The following DLG2 variants were observed in gnomAD, a reference collection of about 807,000 sequenced individuals.
DLG2 encodes discs large MAGUK scaffold protein 2.
A neutral mutation model predicts 132.5 loss-of-function variants in DLG2; 45 were observed. That is an observed-to-expected ratio of 0.34 (90% CI 0.27 to 0.44). DLG2 has a LOEUF of 0.44. Among genes scored for constraint, DLG2 ranks in the 20% least tolerant of loss-of-function variants. The pLI, the probability that DLG2 is intolerant of heterozygous loss-of-function variation, is 1.00. For missense variants in DLG2, 1,045 were observed against 1,196.9 expected, an observed-to-expected ratio of 0.87 and a Z score of 1.87; for synonymous variants, 424 against 419.6, an observed-to-expected ratio of 1.01 and a Z score of -0.13.
At chr11:84,347,280 A>T (rs1190133419) in intron 7 of DLG2, among the ~76,000 whole-genome samples, 1 of 152,206 alleles carries the variant, frequency 6.6e-6, no homozygotes, top group Admixed American at 6.5e-5. Flanking sequence ...GAATATTAAC[A>T]TATGTAATAC....
chr11:83,977,923 T>C (rs1308321099), intron 12 of DLG2, among the ~76,000 whole-genome samples: 1 of 152,100 alleles, frequency 6.6e-6, no homozygotes, highest in Admixed American at 6.6e-5. Context: ...TCTTTCTGTT[T>C]TCAGTGATGA....
chr11:84,394,780 C>T (rs1324479063), intron 7 of DLG2, among the ~76,000 whole-genome samples: 1 of 152,086 alleles, frequency 6.6e-6, no homozygotes, highest in African/African-American at 2.4e-5. Flanking sequence ...CACCAGCACG[C>T]CCAGCTAATT....
At chr11:84,465,433 T>C (rs898931742) in intron 7 of DLG2, among the ~76,000 whole-genome samples, 13 of 151,266 alleles carry the variant, frequency 8.6e-5, no homozygotes. Flanking sequence ...ACATTCATCA[T>C]AGAGATTCTC....
chr11:85,271,943 T>A (rs1006826982), intron 4 of DLG2, among the ~76,000 whole-genome samples: 2 of 152,172 alleles, frequency 1.3e-5, no homozygotes, highest in African/African-American at 4.8e-5. Flanking sequence ...TTTGGGAGAC[T>A]TTTGGGAAGG....
At chr11:83,887,779 G>T (rs2068370272) in intron 15 of DLG2, among the ~76,000 whole-genome samples, 2 of 150,820 alleles carry the variant, frequency 1.3e-5, no homozygotes, top group South Asian at 2.1e-4. Flanking sequence ...TCCCTGGGAT[G>T]CAAGGCTGGT....
At position 84,335,160 on chromosome 11, in the gene DLG2, C is replaced by A. The variant is rs1033354400; in HGVS notation, c.520-83869G>T. On this transcript the variant is annotated intron_variant, in intron 7 of 27. Transcript: ENST00000376104. ...GCAAGAAAGCAAGCAATAAAGAAAG[C>A]AAAAAAAAAAAAAAAAAAAGGAAGG... 3.2e-3 allele frequency among the ~76,000 whole-genome samples: 202 copies of A among 62,584 alleles called. 1 individual carries two copies. Among genetic ancestry groups the A allele is most frequent in the African/African-American group, 6.5e-3 (109 of 16,756 alleles). 41.1% of individuals were successfully genotyped at this position (62,584 alleles called of 152,430 possible). A position where few individuals can be genotyped will look rare whatever the true frequency, so the allele number is the denominator to read the frequency against.
At chr11:85,168,400 T>C (rs79826132) in intron 4 of DLG2, among the ~76,000 whole-genome samples, 2,964 of 152,224 alleles carry the variant, frequency 0.019, 57 homozygotes, top group Admixed American at 0.037. Context: ...GCAGATAATT[T>C]CAATTTAATT....
intron 6 of DLG2, among the ~76,000 whole-genome samples, chr11:84,732,113 A>C (rs943945526): frequency 2.6e-5 from 4 of 152,094 alleles, no homozygotes; most frequent in African/African-American, 9.7e-5. Flanking sequence ...ATGTGCCAAT[A>C]GTTTACTTCT....
chr11:84,903,706 T>C (rs1046405271), intron 6 of DLG2, among the ~76,000 whole-genome samples: 1 of 152,274 alleles, frequency 6.6e-6, no homozygotes, highest in African/African-American at 2.4e-5. Flanking sequence ...AGTTGTGCAG[T>C]TCTTTCTCTA....
intron 8 of DLG2, among the ~76,000 whole-genome samples, chr11:84,208,140 A>G (rs781139084): frequency 6.6e-6 from 1 of 152,012 alleles, no homozygotes; most frequent in Non-Finnish European, 1.5e-5. Context: ...TAGTATTTGT[A>G]TTTTACTTTT....
intron 18 of DLG2, among the ~76,000 whole-genome samples, chr11:83,659,079 C>T (rs79443071): frequency 6.6e-6 from 1 of 152,138 alleles, no homozygotes; most frequent in African/African-American, 2.4e-5. Flanking sequence ...TATCTCAGTG[C>T]CTGTCGTAGT....
At chr11:83,870,400 A>AT (rs2154062769) in intron 16 of DLG2, among the ~76,000 whole-genome samples, 1 of 152,320 alleles carries the variant, frequency 6.6e-6, no homozygotes, top group South Asian at 2.1e-4. Context: ...ACTTAAGATA[A>AT]TGGCCTCCAG....
chr11:84,913,911 G>C (rs1321676542), intron 6 of DLG2, among the ~76,000 whole-genome samples: 1 of 152,084 alleles, frequency 6.6e-6, no homozygotes, highest in South Asian at 2.1e-4. Context: ...AAATGCAAAG[G>C]GCTCTTTTAT....
At chr11:85,603,676 GT>G (rs1157439657) in intron 2 of DLG2, among the ~76,000 whole-genome samples, 2 of 152,014 alleles carry the variant, frequency 1.3e-5, no homozygotes, top group Non-Finnish European at 2.9e-5. Flanking sequence ...AGCACTTTGG[GT>G]GGCCAAGGTG....
At chr11:83,668,448 G>C (rs1359742559) in intron 18 of DLG2, among the ~76,000 whole-genome samples, 1 of 151,982 alleles carries the variant, frequency 6.6e-6, no homozygotes, top group Non-Finnish European at 1.5e-5. Context: ...GGATAGCCTT[G>C]GTTCTTTAAA....
chr11:85,232,930 T>C (rs1423859878), intron 4 of DLG2, among the ~76,000 whole-genome samples: 1 of 151,642 alleles, frequency 6.6e-6, no homozygotes, highest in African/African-American at 2.4e-5. Context: ...ATGACAAGTC[T>C]CTAGATGGAA....
At chr11:85,054,299 G>A (rs550401639) in intron 6 of DLG2, among the ~76,000 whole-genome samples, 1 of 151,246 alleles carries the variant, frequency 6.6e-6, no homozygotes, top group South Asian at 2.1e-4. Flanking sequence ...AAAAAGAAAT[G>A]CAAATCAAAA....
intron 3 of DLG2, among the ~76,000 whole-genome samples, chr11:85,421,892 TTCTC>T (rs1303891884): frequency 6.6e-6 from 1 of 152,200 alleles, no homozygotes; most frequent in African/African-American, 2.4e-5. Flanking sequence ...TAGTGGCAAA[TTCTC>T]TCAGCATTTG....
chr11:85,115,197 C>T (rs1340748941), intron 5 of DLG2, among the ~76,000 whole-genome samples: 5 of 151,782 alleles, frequency 3.3e-5, no homozygotes, highest in Non-Finnish European at 2.9e-5. Context: ...ATGAATGGTA[C>T]GTTAGGTATA....
Sources: allele counts gnomAD v4.1 joint callset (sites outside exome capture counted in the v4.1 genomes callset), GRCh38; gene constraint gnomAD v4.1.1; transcripts MANE v1.5; gene names NCBI Gene and HGNC (gene_info 2026-07-23, HGNC 2026-07-21).